The following CCDC159 variants were observed in gnomAD, a reference collection of about 807,000 sequenced individuals.
CCDC159 encodes coiled-coil domain-containing protein 159.
Under a neutral mutation model 50.9 loss-of-function variants are expected in CCDC159, and 40 were observed. The ratio of observed to expected loss-of-function variants is 0.79; its 90% CI spans 0.61 to 1.02. The LOEUF (loss-of-function observed/expected upper bound fraction) is 1.02, where lower values mean the gene tolerates loss of function less well. Among genes scored for constraint, CCDC159 ranks in the 50% least tolerant of loss-of-function variants. The pLI, the probability that CCDC159 is intolerant of heterozygous loss-of-function variation, is 0.00. For missense variants in CCDC159, 356 were observed against 371.5 expected (o/e 0.96, Z 0.34); for synonymous variants, 146 against 138.9 (o/e 1.05, Z -0.36).
Position 11,351,023 on chromosome 19 carries a change from C to A in CCDC159, c.422+20C>A, listed in dbSNP as rs556534941. ...GGACAGGTCGGGGATGGCGGGAGGGCAGCTTGGAGTCCACAGGAGGGAAGG... is the reference window on the plus strand; with the variant it reads ...GGACAGGTCGGGGATGGCGGGAGGGAAGCTTGGAGTCCACAGGAGGGAAGG... On this transcript the variant is annotated intron_variant, in intron 5 of 10. Coordinates refer to ENST00000458408, the MANE Select transcript of CCDC159 (RefSeq NM_001080503.3). 39 of 1,520,268 alleles carry A rather than the reference C, an allele frequency of 2.6e-5. No individual in the cohort carries two copies. The highest frequency in any genetic ancestry group is 3.4e-5 in the Non-Finnish European group (38 of 1,129,774). 94.2% of individuals were successfully genotyped at this position (1,520,268 alleles called of 1,614,324 possible).
intron 1 of CCDC159, 95 bp downstream of exon 1, chr19:11,346,722 A>T (rs1210569603): frequency 1.1e-5 from 15 of 1,403,644 alleles, no homozygotes; most frequent in Non-Finnish European, 1.5e-5. Context: ...TCCCTAAATA[A>T]TTCTCCCGGG....
chr19:11,350,029 G>A lies in CCDC159; in HGVS notation c.144+3G>A, dbSNP rs1363747887. On this transcript the variant is annotated splice_donor_region_variant and intron_variant, in intron 3 of 10. Coordinates refer to ENST00000458408, the MANE Select transcript of CCDC159 (RefSeq NM_001080503.3). ...GCCAGTTACAGGCCCAGACCAAGGT[G>A]AACCACCTTGGCCCTGCCCCCAGCA... The A allele has an allele frequency of 1.9e-6, 3 of 1,613,412 alleles. No individual in the cohort carries two copies. Among genetic ancestry groups the A allele is most frequent in the African/African-American group, 2.7e-5 (2 of 74,828 alleles).
In CCDC159 at chr19:11,349,688, G is replaced by C. The variant is rs776002950; in HGVS notation, c.55+1G>C. 2 of 1,603,324 alleles carry C rather than the reference G, an allele frequency of 1.2e-6. No homozygotes were observed. The highest frequency in any genetic ancestry group is 3.3e-5 in the Admixed American group (2 of 59,906). ...GAGACCAGCTCTTCCAAAGTCAAAG[G>C]TGAGAAATCTCCTTTCCAACAAAAC... On this transcript the variant is annotated splice_donor_variant, in intron 2 of 10. Coordinates refer to ENST00000458408, the MANE Select transcript of CCDC159 (RefSeq NM_001080503.3). LOFTEE classifies it high-confidence loss of function.
At chr19:11,349,412 G>A in intron 1 of CCDC159, 1 of 579,424 alleles carries the variant, frequency 1.7e-6, no homozygotes, top group Non-Finnish European at 3.0e-6. Context: ...GTGTGGTTGT[G>A]TGTCTTCCAT....
intron 5 of CCDC159, 124 bp downstream of exon 5, chr19:11,351,127 A>T: frequency 1.0e-6 from 1 of 999,184 alleles, no homozygotes; most frequent in Non-Finnish European, 1.4e-6. Flanking sequence ...GGATGGTGGA[A>T]AGCCTGAGGG....
At chr19:11,348,239 T>G (rs1369426181) in intron 1 of CCDC159, 6 of 439,132 alleles carry the variant, frequency 1.4e-5, no homozygotes, top group African/African-American at 1.0e-4. Context: ...GCCTTCTGGG[T>G]CCTTCTCACT....
intron 4 of CCDC159, 39 bp downstream of exon 4, chr19:11,350,238 G>A: frequency 6.4e-7 from 1 of 1,567,874 alleles, no homozygotes; most frequent in South Asian, 1.1e-5. Context: ...GCTAGGCCAG[G>A]CGTGGTGGCT....
intron 9 of CCDC159, 123 bp downstream of exon 9, chr19:11,353,997 T>A: frequency 2.6e-6 from 2 of 761,452 alleles, no homozygotes; most frequent in Non-Finnish European, 4.2e-6. Context: ...TCACATTAAG[T>A]AGTGTTCTGG....
intron 10 of CCDC159, 69 bp from the exon 11 acceptor site, chr19:11,354,804 G>A (rs1044007455): frequency 1.1e-5 from 18 of 1,611,648 alleles, no homozygotes; most frequent in East Asian, 6.7e-5. Context: ...CTGGGCATGC[G>A]GTCCCTGACC....
rs769158442 is a variant in CCDC159, at chr19:11,354,699, G to T, written c.889+3G>T. On this transcript the variant is annotated splice_donor_region_variant and intron_variant, in intron 10 of 10. Coordinates refer to ENST00000458408, the MANE Select transcript of CCDC159 (RefSeq NM_001080503.3). ...GAGCGGCCGCTCCTTCCCACCCGGTGCAGATCCTCCCCAGTCCCCCCCTCC... is the reference window on the plus strand; with the variant it reads ...GAGCGGCCGCTCCTTCCCACCCGGTTCAGATCCTCCCCAGTCCCCCCCTCC... The T allele has an allele frequency of 6.2e-7, 1 of 1,607,004 alleles. No individual in the cohort carries two copies. Among genetic ancestry groups the T allele is most frequent in the South Asian group, 1.1e-5 (1 of 90,272 alleles).
chr19:11,353,445 C>A lies in CCDC159; in HGVS notation c.568-6C>A, dbSNP rs144668640. 2.9e-5 allele frequency: 45 copies of A among 1,565,856 alleles called. No individual in the cohort carries two copies. Among genetic ancestry groups the A allele is most frequent in the Non-Finnish European group, 3.8e-5 (44 of 1,155,104 alleles). On this transcript the variant is annotated splice_polypyrimidine_tract_variant and splice_region_variant and intron_variant, in intron 7 of 10. Coordinates refer to ENST00000458408, the MANE Select transcript of CCDC159 (RefSeq NM_001080503.3). ...ACTGCTGTTCTCTCATCCCTCCCCA[C>A]CCCAGATCCTGACCAAGATGAAGCA... is the stretch of plus-strand genomic sequence containing the variant.
chr19:11,352,756 C>A (rs1967653642), intron 7 of CCDC159, among the ~76,000 whole-genome samples: 1 of 151,982 alleles, frequency 6.6e-6, no homozygotes, highest in South Asian at 2.1e-4. Flanking sequence ...CATGGCAAAA[C>A]CCTGTCTCTA....
At chr19:11,354,748 C>T (rs748015867) in intron 10 of CCDC159, 52 bp downstream of exon 10, 11 of 1,609,206 alleles carry the variant, frequency 6.8e-6, no homozygotes, top group Non-Finnish European at 9.3e-6. Flanking sequence ...CTGACCTGCC[C>T]TTGACTCCCA....
In CCDC159 at chr19:11,353,457, AC is replaced by A. The variant is rs1256736745; in HGVS notation, c.576del (p.Lys193ArgfsTer2). 2 of 1,577,324 alleles carry A rather than the reference AC, an allele frequency of 1.3e-6. No homozygotes were observed. Among genetic ancestry groups the A allele is most frequent in the African/African-American group, 2.7e-5 (2 of 74,072 alleles). ...KTQVKCRKILTKMKQQGHETA... is the reference protein window; with the variant it reads ...KTQVKCRKILXKMKQQGHETA... ...TCATCCCTCCCCACCCCAGATCCTG[AC>A]CAAGATGAAGCAGCAGGGTCATGAG... is the stretch of plus-strand genomic sequence containing the variant. On this transcript the variant is annotated frameshift_variant, in exon 8 of 11. Coordinates refer to ENST00000458408, the MANE Select transcript of CCDC159 (RefSeq NM_001080503.3). LOFTEE classifies it high-confidence loss of function.
chr19:11,351,694 A>T, intron 5 of CCDC159: 1 of 457,186 alleles, frequency 2.2e-6, no homozygotes, highest in Non-Finnish European at 3.8e-6. Flanking sequence ...TAGGAGGCTG[A>T]GTGGGGTGGG....
chr19:11,349,771 C>A, intron 2 of CCDC159, 84 bp downstream of exon 2: 1 of 1,263,872 alleles, frequency 7.9e-7, no homozygotes, highest in South Asian at 1.2e-5. Context: ...ATCAGCTGTC[C>A]CCCTGCCATG....
At position 11,346,614 on chromosome 19, in the gene CCDC159, A is replaced by T; in HGVS notation, c.8A>T (p.Glu3Val). MG[E>V]HEQVKPLETS... is the part of the protein sequence containing the mutation. The stretch of plus-strand genomic sequence containing the variant: ...CTGGCTTCGTGGTCCCTGATGGGAG[A>T]GCATGAACAGGTGGTATGTGGTAGG... The change falls in exon 1 of 11, where the codon GAG becomes GTG. Residue 3 changes from glutamate (E) to valine (V), a missense_variant. By Grantham distance (121) the Glu-to-Val change is moderately radical. Transcript: ENST00000458408. 1.3e-6 allele frequency: 2 copies of T among 1,551,294 alleles called. No homozygotes were observed. Among genetic ancestry groups the T allele is most frequent in the Non-Finnish European group, 1.7e-6 (2 of 1,146,872 alleles).
chr19:11,351,732 A>C, intron 5 of CCDC159, 174 bp from the exon 6 acceptor site: 1 of 533,062 alleles, frequency 1.9e-6, no homozygotes, highest in Non-Finnish European at 3.3e-6. Flanking sequence ...GAGGCTGGGG[A>C]TCAGAAGGAG....
At chr19:11,348,100 G>C (rs1304530885) in intron 1 of CCDC159, 2 of 456,048 alleles carry the variant, frequency 4.4e-6, no homozygotes, top group Non-Finnish European at 8.8e-6. Flanking sequence ...TACCAGCATA[G>C]AGCATGTGAT....
Sources: gnomAD v4.1 joint callset for allele counts (sites outside exome capture counted in the v4.1 genomes callset) on GRCh38, gnomAD v4.1.1 for gene constraint, MANE v1.5 for transcripts, NCBI Gene and HGNC (gene_info 2026-07-23, HGNC 2026-07-21) for gene names.